Variants in FMN1 observed in about 807,000 individuals in gnomAD.
FMN1 encodes formin 1.
In FMN1, 110 loss-of-function variants were observed where a neutral mutation model predicts 132.4. That is an observed-to-expected ratio of 0.83 (90% CI 0.71 to 0.97). FMN1 has a LOEUF of 0.97. FMN1 is among the 50% of genes least tolerant of loss of function. FMN1 has a pLI of 0.00. For synonymous variants in FMN1, 722 were observed against 651.7 expected (o/e 1.11, Z -1.64); for missense variants, 1,792 against 1,705.3 (o/e 1.05, Z -0.90).
chr15:33,105,429 CAGA>C (rs1004396559), intron 4 of FMN1, among the ~76,000 whole-genome samples: 31 of 152,218 alleles, frequency 2.0e-4, no homozygotes, highest in South Asian at 4.1e-4. Flanking sequence ...GATAATTTAG[CAGA>C]AGACTCCCAT....
intron 4 of FMN1, among the ~76,000 whole-genome samples, chr15:33,112,599 A>G (rs1012184212): frequency 6.6e-6 from 1 of 152,156 alleles, no homozygotes; most frequent in Non-Finnish European, 1.5e-5. Context: ...CTCCAAAGAT[A>G]TTAGAGGCAA....
At position 33,115,380 on chromosome 15, in the gene FMN1, T is replaced by C. The variant is rs540217085; in HGVS notation, c.1868-26406A>G. On this transcript the variant is annotated intron_variant, in intron 4 of 20. Transcript: ENST00000616417. ...ATAAAAGAATGTATGTGTAAGAAGA[T>C]GGCATATTTTCAACGGACTGGTATG... Among the ~76,000 whole-genome samples, 6 of 152,186 alleles carry C rather than the reference T, an allele frequency of 3.9e-5. No homozygotes were observed. The East Asian group carries it at 1.2e-3, about 29-fold the overall frequency.
chr15:32,964,299 A>C, intron 8 of FMN1, 42 bp from the exon 9 acceptor site: 1 of 1,427,140 alleles, frequency 7.0e-7, no homozygotes, highest in Non-Finnish European at 9.6e-7. Context: ...GAACCAAAAC[A>C]GGAAGGAATG....
At chr15:33,140,465 C>T (rs886547880) in intron 4 of FMN1, among the ~76,000 whole-genome samples, 4 of 152,202 alleles carry the variant, frequency 2.6e-5, no homozygotes, top group Admixed American at 6.5e-5. Flanking sequence ...GGGCAAGGAA[C>T]GACAGATTCC....
chr15:32,967,181 A>C (rs1437530719), intron 8 of FMN1, among the ~76,000 whole-genome samples: 1 of 152,188 alleles, frequency 6.6e-6, no homozygotes, highest in Non-Finnish European at 1.5e-5. Flanking sequence ...CGGCCAACTA[A>C]ATGAGGAGGA....
chr15:32,965,348 T>C (rs766189390), intron 8 of FMN1, among the ~76,000 whole-genome samples: 5 of 151,998 alleles, frequency 3.3e-5, no homozygotes, highest in African/African-American at 1.2e-4. Context: ...TGCGATGAAC[T>C]GAGATTGTGC....
chr15:32,941,984 T>C (rs2061409912), intron 9 of FMN1, among the ~76,000 whole-genome samples: 1 of 152,196 alleles, frequency 6.6e-6, no homozygotes, highest in Non-Finnish European at 1.5e-5. Context: ...GAATGCAATT[T>C]GTGCAGCATT....
Position 32,769,515 on chromosome 15 carries a change from G to A in FMN1, c.*4795C>T, listed in dbSNP as rs950232859. 2 of 152,194 alleles carry A rather than the reference G, an allele frequency of 1.3e-5. No homozygotes were observed. The highest frequency in any genetic ancestry group is 2.9e-5 in the Non-Finnish European group (2 of 68,036). The allele number at this position is 152,194 out of a possible 1,614,324, so 9.4% of individuals were successfully genotyped here. A position where few individuals can be genotyped will look rare whatever the true frequency, so the allele number is the denominator to read the frequency against. ...ATGCCTGGATTCAATTGCTAATGGA[G>A]AGATGAATATCATTATGTAAGTCTA... On this transcript the variant is annotated 3_prime_UTR_variant, in exon 21 of 21. Coordinates refer to ENST00000616417, the MANE Select transcript of FMN1 (RefSeq NM_001277313.2).
chr15:33,021,748 T>C (rs2035426935), intron 6 of FMN1, among the ~76,000 whole-genome samples: 1 of 152,234 alleles, frequency 6.6e-6, no homozygotes. Context: ...ACCTGCCTTC[T>C]ACCCTGTTCT....
At chr15:32,886,499 C>T (rs766444407) in intron 16 of FMN1, among the ~76,000 whole-genome samples, 1 of 152,128 alleles carries the variant, frequency 6.6e-6, no homozygotes, top group Non-Finnish European at 1.5e-5. Flanking sequence ...CAAAGTGAGG[C>T]GCTATGGGGG....
At chr15:32,893,369 CGTGT>C (rs148715603) in intron 15 of FMN1, among the ~76,000 whole-genome samples, 4 of 150,054 alleles carry the variant, frequency 2.7e-5, no homozygotes, top group African/African-American at 5.1e-5. Flanking sequence ...GTTTTGATTG[CGTGT>C]GTGTGTGTGC....
chr15:33,166,500 A>AT (rs1965114742), intron 3 of FMN1, among the ~76,000 whole-genome samples: 1 of 152,146 alleles, frequency 6.6e-6, no homozygotes, highest in African/African-American at 2.4e-5. Context: ...CTTTGTAAAG[A>AT]TTTCTCATTT....
intron 7 of FMN1, among the ~76,000 whole-genome samples, chr15:33,002,894 C>T: frequency 6.6e-6 from 1 of 152,190 alleles, no homozygotes; most frequent in Admixed American, 6.5e-5. Flanking sequence ...TTTAAAACTA[C>T]AGCTAAGTGT....
intron 4 of FMN1, among the ~76,000 whole-genome samples, chr15:33,097,280 G>C (rs1175047466): frequency 6.7e-6 from 1 of 150,262 alleles, no homozygotes; most frequent in Non-Finnish European, 1.5e-5. Flanking sequence ...CTACAGCCTG[G>C]ATGACAGAGT....
chr15:32,788,398 C>T (rs1050784266), intron 19 of FMN1, among the ~76,000 whole-genome samples: 5 of 152,136 alleles, frequency 3.3e-5, no homozygotes, highest in African/African-American at 7.2e-5. Flanking sequence ...TTTCCAATCC[C>T]GATAATGAAG....
intron 6 of FMN1, among the ~76,000 whole-genome samples, chr15:33,045,662 C>T (rs1596543055): frequency 6.6e-6 from 1 of 152,192 alleles, no homozygotes; most frequent in Non-Finnish European, 1.5e-5. Context: ...TGGTAATTAA[C>T]TGGCTTGGAT....
At position 32,898,844 on chromosome 15, in the gene FMN1, T is replaced by A. The variant is rs2060222818; in HGVS notation, c.3704A>T (p.Tyr1235Phe). Reference sequence around the variant, plus strand: ...AATACCATTTCTTACCTGATCATAGTAACGCAGGTAATACTTAACAACGTA... The same window carrying A: ...AATACCATTTCTTACCTGATCATAGAAACGCAGGTAATACTTAACAACGTA... ...VDYVVKYYLR[Y>F]YDQEAGTEKS... is the part of the protein sequence containing the mutation. The change falls in exon 15 of 21, where the codon TAC becomes TTC. Residue 1235 changes from tyrosine (Y) to phenylalanine (F), a missense_variant. Around this residue, in one of 3 missense-constraint regions of FMN1, gnomAD observed 1,150 missense variants for 1,043.1 expected, o/e 1.10. Transcript: ENST00000616417. 1.3e-6 allele frequency: 2 copies of A among 1,596,582 alleles called. No homozygotes were observed. Among genetic ancestry groups the A allele is most frequent in the Non-Finnish European group, 1.7e-6 (2 of 1,165,162 alleles).
chr15:32,877,023 T>C (rs8032518), intron 16 of FMN1, among the ~76,000 whole-genome samples: 48,192 of 152,046 alleles, frequency 0.32, 8,148 homozygotes, highest in African/African-American at 0.44. Flanking sequence ...TGGTGGCTCA[T>C]GCCTGTAATC....
chr15:33,018,648 G>A (rs968434480), intron 6 of FMN1, among the ~76,000 whole-genome samples: 2 of 152,156 alleles, frequency 1.3e-5, no homozygotes, highest in Non-Finnish European at 2.9e-5. Flanking sequence ...ATTGTGTCCG[G>A]AATTGGTGTG....
Sources: allele counts gnomAD v4.1 joint callset (sites outside exome capture counted in the v4.1 genomes callset), GRCh38; gene constraint gnomAD v4.1.1; regional missense constraint gnomAD v4.1.1; transcripts MANE v1.5; gene names NCBI Gene and HGNC (gene_info 2026-07-23, HGNC 2026-07-21).